Variants in RFC1 observed in about 807,000 individuals in gnomAD.
RFC1 encodes A1 140 kDa subunit.
Under a neutral mutation model 137.4 loss-of-function variants are expected in RFC1, and 37 were observed. The ratio of observed to expected loss-of-function variants is 0.27; its 90% CI spans 0.21 to 0.35. RFC1 has a LOEUF of 0.35. Among genes scored for constraint, RFC1 ranks in the 10% least tolerant of loss-of-function variants. The pLI is 1.00. For synonymous variants in RFC1, 429 were observed against 455.7 expected, an observed-to-expected ratio of 0.94 and a Z score of 0.75; for missense variants, 1,205 against 1,358.5, an observed-to-expected ratio of 0.89 and a Z score of 1.78.
chr4:39,332,703 T>G (rs1248048848), intron 4 of RFC1, among the ~76,000 whole-genome samples: 1 of 152,222 alleles, frequency 6.6e-6, no homozygotes, highest in Non-Finnish European at 1.5e-5. Flanking sequence ...AGAAAAAGTT[T>G]ATCTACTTTT....
chr4:39,342,583 T>C, intron 3 of RFC1, 116 bp from the exon 4 acceptor site: 2 of 946,460 alleles, frequency 2.1e-6, no homozygotes, highest in Non-Finnish European at 3.1e-6. Context: ...GCACATGTCT[T>C]CTGTGAATTC....
chr4:39,326,732 G>T, intron 5 of RFC1, 92 bp from the exon 6 acceptor site: 1 of 923,910 alleles, frequency 1.1e-6, no homozygotes, highest in Non-Finnish European at 1.7e-6. Flanking sequence ...AAATACACCA[G>T]TGAGAGATAA....
intron 6 of RFC1, among the ~76,000 whole-genome samples, chr4:39,324,793 A>G (rs1739680988): frequency 6.6e-6 from 1 of 152,202 alleles, no homozygotes; most frequent in Non-Finnish European, 1.5e-5. Flanking sequence ...AGTATAATAA[A>G]TGATAATAGT....
At chr4:39,313,036 T>C in intron 10 of RFC1, 105 bp from the exon 11 acceptor site, 1 of 938,242 alleles carries the variant, frequency 1.1e-6, no homozygotes, top group African/African-American at 1.7e-5. Context: ...TTTCACATCA[T>C]AAATAACCTT....
At chr4:39,343,277 C>T (rs1314585693) in intron 3 of RFC1, among the ~76,000 whole-genome samples, 4 of 152,134 alleles carry the variant, frequency 2.6e-5, no homozygotes, top group Non-Finnish European at 4.4e-5. Context: ...CCCACCTCAG[C>T]CTCCAAAAGT....
At chr4:39,366,132 A>G in intron 1 of RFC1, 107 bp downstream of exon 1, 1 of 1,263,100 alleles carries the variant, frequency 7.9e-7, no homozygotes, top group Non-Finnish European at 1.1e-6. Flanking sequence ...CTCCGGAACC[A>G]CCCACCGCCA....
At chr4:39,345,270 C>G (rs1462284727) in intron 3 of RFC1, 131 bp downstream of exon 3, 7 of 658,164 alleles carry the variant, frequency 1.1e-5, no homozygotes, top group Non-Finnish European at 1.7e-5. Context: ...CTGCCTTTGC[C>G]TCCCAAAGTG....
rs377122498 is a variant in RFC1 at position 39,302,462 on chromosome 4, A to G, written c.2436+38T>C. 16 of 1,526,928 alleles carry G rather than the reference A, an allele frequency of 1.0e-5. No individual in the cohort carries two copies. The African/African-American group carries it at 2.0e-4, about 20-fold the overall frequency. 94.6% of individuals were successfully genotyped at this position (1,526,928 alleles called of 1,614,324 possible). A position where few individuals can be genotyped will look rare whatever the true frequency, so the allele number is the denominator to read the frequency against. Reference sequence around the variant, plus strand: ...ACAAGGTTGAAAGCATTAGTTAAAAATAATCAACAACTGTTACATGATATA... The same window carrying G: ...ACAAGGTTGAAAGCATTAGTTAAAAGTAATCAACAACTGTTACATGATATA... On this transcript the variant is annotated intron_variant, in intron 18 of 24. Transcript: ENST00000349703.
chr4:39,325,546 T>A (rs528590336), intron 6 of RFC1, among the ~76,000 whole-genome samples: 22 of 152,182 alleles, frequency 1.4e-4, no homozygotes, highest in African/African-American at 4.8e-4. Context: ...CCATGCCCAG[T>A]TGATTTTTGT....
At chr4:39,329,864 G>A (rs959185010) in intron 4 of RFC1, among the ~76,000 whole-genome samples, 8 of 152,096 alleles carry the variant, frequency 5.3e-5, no homozygotes, top group East Asian at 1.9e-4. Flanking sequence ...GTGAGAGCCC[G>A]TCTCTACTAA....
At chr4:39,339,857 T>C (rs142509118) in intron 4 of RFC1, among the ~76,000 whole-genome samples, 11 of 152,202 alleles carry the variant, frequency 7.2e-5, no homozygotes, top group Non-Finnish European at 1.5e-4. Context: ...GTGGGCCAAA[T>C]ATCATTTCCA....
intron 6 of RFC1, among the ~76,000 whole-genome samples, chr4:39,324,898 G>C (rs1000224783): frequency 2.0e-5 from 3 of 152,184 alleles, no homozygotes; most frequent in African/African-American, 7.2e-5. Flanking sequence ...AAGAGGAAGG[G>C]AGTTCTAACA....
At position 39,338,206 on chromosome 4, in the gene RFC1, T is replaced by C. The variant is rs1425513410; in HGVS notation, c.331+4139A>G. ...TTTCCTGTAACTTGGGAAATTAATG[T>C]GGTTAAATTAGTTTTTAAAAATCAA... is the stretch of plus-strand genomic sequence containing the variant. On this transcript the variant is annotated intron_variant, in intron 4 of 24. Coordinates refer to ENST00000349703, the MANE Select transcript of RFC1 (RefSeq NM_002913.5). 2.6e-5 allele frequency among the ~76,000 whole-genome samples: 4 copies of C among 152,196 alleles called. No individual in the cohort carries two copies. In the South Asian group the frequency reaches 8.3e-4, roughly 31 times the overall value.
At chr4:39,315,594 T>C (rs1393391966) in intron 10 of RFC1, among the ~76,000 whole-genome samples, 1 of 152,214 alleles carries the variant, frequency 6.6e-6, no homozygotes, top group African/African-American at 2.4e-5. Flanking sequence ...TAAAGCACAG[T>C]GTGGCCAACA....
Position 39,302,395 on chromosome 4 carries a change from A to C in RFC1, c.2437-19T>G. On this transcript the variant is annotated intron_variant, in intron 18 of 24. Transcript: ENST00000349703. ...GTAAAACCTAAAAGAATCACAAATA[A>C]GACAACGTCAAGATAGGAAAATCCT... 6.3e-7 allele frequency: 1 copy of C among 1,588,536 alleles called. No individual in the cohort carries two copies. The highest frequency in any genetic ancestry group is 2.2e-5 in the East Asian group (1 of 44,724).
intron 9 of RFC1, among the ~76,000 whole-genome samples, chr4:39,318,930 A>G (rs908762393): frequency 1.3e-5 from 2 of 152,240 alleles, no homozygotes; most frequent in African/African-American, 4.8e-5. Flanking sequence ...GTTTCTCATT[A>G]TGAATCTAAA....
chr4:39,325,431 G>A (rs906849172), intron 6 of RFC1, among the ~76,000 whole-genome samples: 4 of 152,198 alleles, frequency 2.6e-5, no homozygotes, highest in African/African-American at 9.7e-5. Flanking sequence ...CACCCAGGCT[G>A]GAGTGCAGTG....
chr4:39,330,906 T>C lies in RFC1; in HGVS notation c.332-3150A>G, dbSNP rs140328394. 9.1e-3 allele frequency among the ~76,000 whole-genome samples: 1,373 copies of C among 151,020 alleles called. 17 individuals are homozygous for C. The highest frequency in any genetic ancestry group is 0.028 in the African/African-American group (1,173 of 41,202). Reference sequence around the variant, plus strand: ...AGGTTCAGTCATTCATATATATATATACACACACACACACACATATATATA... The same window carrying C: ...AGGTTCAGTCATTCATATATATATACACACACACACACACACATATATATA... On this transcript the variant is annotated intron_variant, in intron 4 of 24. Transcript: ENST00000349703.
intron 4 of RFC1, among the ~76,000 whole-genome samples, chr4:39,331,838 T>C (rs1740118647): frequency 6.6e-6 from 1 of 152,172 alleles, no homozygotes. Context: ...TAGGGAAATA[T>C]GGGTAATTTT....
Sources: allele counts gnomAD v4.1 joint callset (sites outside exome capture counted in the v4.1 genomes callset), GRCh38; gene constraint gnomAD v4.1.1; transcripts MANE v1.5; gene names NCBI Gene and HGNC (gene_info 2026-07-23, HGNC 2026-07-21).